Variants in DDX18 observed in about 807,000 individuals in gnomAD.
DDX18 encodes the protein ATP-dependent RNA helicase DDX18.
In DDX18, 23 loss-of-function variants were observed where a neutral mutation model predicts 73.5. The observed-to-expected ratio is 0.31, with a 90% confidence interval of 0.23 to 0.44. The LOEUF (loss-of-function observed/expected upper bound fraction) is 0.44. Ranked by LOEUF, DDX18 falls within the 20% of genes least tolerant of loss-of-function variation. The probability of loss-of-function intolerance (pLI) is 1.00; values close to 1 mark genes in which losing one functional copy is unlikely to be tolerated. For synonymous variants in DDX18, 268 were observed against 282.7 expected (o/e 0.95, Z 0.52); for missense variants, 753 against 792.9 (o/e 0.95, Z 0.60).
chr2:117,819,563 A>G (rs1281359526), intron 2 of DDX18, 86 bp from the exon 3 acceptor site: 12 of 1,189,038 alleles, frequency 1.0e-5, no homozygotes, highest in African/African-American at 1.6e-5. Context: ...ATACGTCTTT[A>G]TATCAGAGAT....
chr2:117,821,607 G>A, intron 4 of DDX18, 43 bp from the exon 5 acceptor site: 1 of 1,605,378 alleles, frequency 6.2e-7, no homozygotes, highest in Non-Finnish European at 8.5e-7. Context: ...CGTCGTAAAT[G>A]AGTAGGCTAA....
chr2:117,823,161 T>C (rs961630307), intron 7 of DDX18, among the ~76,000 whole-genome samples: 2 of 152,198 alleles, frequency 1.3e-5, no homozygotes, highest in African/African-American at 4.8e-5. Flanking sequence ...GGTATTCTTG[T>C]CCTTTGCTTT....
At chr2:117,819,244 G>A (rs752057233) in intron 2 of DDX18, among the ~76,000 whole-genome samples, 6 of 152,162 alleles carry the variant, frequency 3.9e-5, no homozygotes, top group Non-Finnish European at 7.3e-5. Context: ...CAGGCAAGTG[G>A]GTTGTTGCCC....
At position 117,829,405 on chromosome 2, in the gene DDX18, C is replaced by T. The variant is rs192444891; in HGVS notation, c.1809C>T (p.Asn603=). ...TGAAACAGATCTTTAATGTTAATAACCTAAATTTGCCTCAGGTTGCTCTGT... is the reference window on the plus strand; with the variant it reads ...TGAAACAGATCTTTAATGTTAATAATCTAAATTTGCCTCAGGTTGCTCTGT... ...HSLKQIFNVN[N]LNLPQVALSF... Residue 603 remains asparagine (N), a synonymous_variant, in exon 13 of 14, where the codon AAC becomes AAT. Transcript: ENST00000263239. 31 of 1,614,068 alleles carry T rather than the reference C, an allele frequency of 1.9e-5. No individual in the cohort carries two copies. In the East Asian group the frequency reaches 6.7e-4, roughly 35 times the overall value.
At chr2:117,825,190 A>G (rs1462015727) in intron 9 of DDX18, 89 bp downstream of exon 9, 16 of 1,482,224 alleles carry the variant, frequency 1.1e-5, no homozygotes, top group Non-Finnish European at 1.3e-5. Context: ...CTCTCCTGGA[A>G]ACATTGTTCT....
At position 117,825,593 on chromosome 2, in the gene DDX18, C is replaced by T; in HGVS notation, c.1515C>T (p.Asp505=). The part of the protein sequence containing the change: ...DWIVQYDPPD[D]PKEYIHRVGR... ...TTGTTCAGTATGACCCTCCGGATGA[C>T]CCTAAGGTAACTGGCATCTTTGGAA... Residue 505 remains aspartate (D), a synonymous_variant, in exon 10 of 14, where the codon GAC becomes GAT. Coordinates refer to ENST00000263239, the MANE Select transcript of DDX18 (RefSeq NM_006773.4). 2 of 1,612,160 alleles carry T rather than the reference C, an allele frequency of 1.2e-6. No homozygotes were observed. The highest frequency in any genetic ancestry group is 1.7e-6 in the Non-Finnish European group (2 of 1,179,248).
At chr2:117,826,180 A>T in intron 10 of DDX18, 89 bp from the exon 11 acceptor site, 1 of 1,073,096 alleles carries the variant, frequency 9.3e-7, no homozygotes, top group South Asian at 1.5e-5. Context: ...CCATCTCAGT[A>T]CAGACATGCA....
chr2:117,822,194 T>C lies in DDX18; in HGVS notation c.999T>C (p.Asp333=). ...AAAACCTGCAGTGTCTGGTTATTGA[T>C]GAAGCTGATCGTATCTTGGATGTGG... The part of the protein sequence containing the change: ...MYKNLQCLVI[D]EADRILDVGF... Residue 333 remains aspartate, a synonymous_variant, in exon 7 of 14, where the codon GAT becomes GAC. Transcript: ENST00000263239. The C allele has an allele frequency of 6.2e-7, 1 of 1,613,992 alleles. No homozygotes were observed. The highest frequency in any genetic ancestry group is 8.5e-7 in the Non-Finnish European group (1 of 1,179,870).
At position 117,821,954 on chromosome 2, in the gene DDX18, T is replaced by C; in HGVS notation, c.844T>C (p.Tyr282His). 1.2e-6 allele frequency: 2 copies of C among 1,614,076 alleles called. No homozygotes were observed. Among genetic ancestry groups the C allele is most frequent in the Non-Finnish European group, 1.7e-6 (2 of 1,179,958 alleles). ...KELMTHHVHT[Y>H]GLIMGGSNRS... ...GCTGATGACTCACCACGTGCATACC[T>C]ATGGCTTGATAATGGGTGGCAGTAA... Residue 282 changes from tyrosine to histidine, a missense_variant, in exon 6 of 14, where the codon TAT (tyrosine) becomes CAT (histidine). Tyr to His is a moderately conservative substitution (Grantham distance 83). This residue lies in a region of DDX18 where 345 missense variants were observed against 352.0 expected (regional missense o/e 0.98). Coordinates refer to ENST00000263239, the MANE Select transcript of DDX18 (RefSeq NM_006773.4).
At chr2:117,820,929 C>T (rs986169547) in intron 3 of DDX18, among the ~76,000 whole-genome samples, 14 of 151,730 alleles carry the variant, frequency 9.2e-5, no homozygotes, top group Admixed American at 9.2e-4. Flanking sequence ...TCCTCTCTAC[C>T]CCTTGTTTTG....
At chr2:117,825,731 CTCTGG>C (rs1195429543) in intron 10 of DDX18, 132 bp downstream of exon 10, 1 of 1,118,702 alleles carries the variant, frequency 8.9e-7, no homozygotes, top group African/African-American at 1.6e-5. Flanking sequence ...TGCAGTATTT[CTCTGG>C]TATTGAAAAG....
At chr2:117,828,802 C>T in intron 11 of DDX18, 147 bp from the exon 12 acceptor site, 2 of 616,952 alleles carry the variant, frequency 3.2e-6, no homozygotes, top group East Asian at 5.5e-5. Flanking sequence ...GTAACTTTCC[C>T]ATCAACATTG....
At position 117,822,376 on chromosome 2, in the gene DDX18, G is replaced by C. The variant is rs560178412; in HGVS notation, c.1066+115G>C. 40 of 739,650 alleles carry C rather than the reference G, an allele frequency of 5.4e-5. No individual in the cohort carries two copies. In the African/African-American group the frequency reaches 6.0e-4, roughly 11 times the overall value. 45.8% of individuals were successfully genotyped at this position (739,650 alleles called of 1,614,324 possible). ...AACTTTACCATAGCCAAGTGAGGTA[G>C]TTGTGCCAATTAACCCGAAAGGTAA... On this transcript the variant is annotated intron_variant, in intron 7 of 13. Transcript: ENST00000263239.
intron 4 of DDX18, 71 bp downstream of exon 4, chr2:117,821,367 G>A: frequency 2.0e-6 from 3 of 1,514,018 alleles, no homozygotes; most frequent in South Asian, 1.3e-5. Flanking sequence ...GAACATACCA[G>A]TATATTCTGT....
rs142259044 is a variant in DDX18, at chr2:117,816,459, A to G, written c.86-985A>G. On this transcript the variant is annotated intron_variant, in intron 1 of 13. Transcript: ENST00000263239. Reference sequence around the variant, plus strand: ...AGCTTTTTGTTAAAAATGTAAAGACACAGACACATTCAGTTTCACTGTCTT... The same window carrying G: ...AGCTTTTTGTTAAAAATGTAAAGACGCAGACACATTCAGTTTCACTGTCTT... Among the ~76,000 whole-genome samples the G allele has an allele frequency of 2.4e-3, 368 of 152,276 alleles. 4 individuals carry two copies. Among genetic ancestry groups the G allele is most frequent in the East Asian group, 4.6e-3 (24 of 5,178 alleles).
intron 7 of DDX18, among the ~76,000 whole-genome samples, chr2:117,823,589 T>C (rs1223544232): frequency 6.6e-6 from 1 of 152,240 alleles, no homozygotes; most frequent in Non-Finnish European, 1.5e-5. Flanking sequence ...TTTTGGATTT[T>C]CTATATAGGC....
chr2:117,815,399 C>T (rs1277923365), intron 1 of DDX18, among the ~76,000 whole-genome samples: 1 of 152,168 alleles, frequency 6.6e-6, no homozygotes, highest in Non-Finnish European at 1.5e-5. Context: ...GTATTTGTGT[C>T]CCGCACAGTG....
chr2:117,827,458 G>A (rs1223009530), intron 11 of DDX18: 1 of 151,992 alleles, frequency 6.6e-6, no homozygotes, highest in Non-Finnish European at 1.5e-5. Flanking sequence ...ATATACGTTA[G>A]GTATATATCC....
At chr2:117,814,934 C>T (rs1679731132) in intron 1 of DDX18, 72 bp downstream of exon 1, 2 of 1,484,952 alleles carry the variant, frequency 1.3e-6, no homozygotes, top group Non-Finnish European at 1.9e-6. Flanking sequence ...CGGCCGGGGG[C>T]CCAGCTGCTC....
Sources: gnomAD v4.1 joint callset for allele counts (sites outside exome capture counted in the v4.1 genomes callset) on GRCh38, gnomAD v4.1.1 for gene constraint, gnomAD v4.1.1 regional missense constraint, MANE v1.5 for transcripts, NCBI Gene and HGNC (gene_info 2026-07-23, HGNC 2026-07-21) for gene names.